The following NSD1 variants were observed in gnomAD, a reference collection of about 807,000 sequenced individuals.
NSD1 encodes the protein nuclear receptor binding SET domain protein 1.
NSD1 carries 26 observed loss-of-function variants against 242.7 expected under a neutral mutation model. The observed-to-expected ratio is 0.11, with a 90% CI of 0.08 to 0.15. The LOEUF (loss-of-function observed/expected upper bound fraction) is 0.15. Among genes scored for constraint, NSD1 ranks in the 10% least tolerant of loss-of-function variants. The pLI, the probability that NSD1 is intolerant of heterozygous loss-of-function variation, is 1.00. For missense variants in NSD1, 2,495 were observed against 3,272.8 expected, an observed-to-expected ratio of 0.76 and a Z score of 5.80; for synonymous variants, 1,106 against 1,178.1, an observed-to-expected ratio of 0.94 and a Z score of 1.25.
intron 2 of NSD1, among the ~76,000 whole-genome samples, chr5:177,178,537 T>C (rs575855572): frequency 1.3e-5 from 2 of 152,272 alleles, no homozygotes; most frequent in Admixed American, 1.3e-4. Flanking sequence ...TTAATAGACA[T>C]GTTTTAAATT....
intron 14 of NSD1, among the ~76,000 whole-genome samples, chr5:177,263,735 G>T (rs1468331779): frequency 6.6e-6 from 1 of 152,176 alleles, no homozygotes; most frequent in African/African-American, 2.4e-5. Flanking sequence ...GTTTTTAATT[G>T]TAAGAGTTAC....
chr5:177,151,996 G>T (rs970054672), intron 2 of NSD1, among the ~76,000 whole-genome samples: 3 of 151,996 alleles, frequency 2.0e-5, no homozygotes, highest in African/African-American at 7.2e-5. Flanking sequence ...GAGTAACTGG[G>T]ACCACAGGTG....
chr5:177,267,421 C>T, intron 14 of NSD1, 141 bp from the exon 15 acceptor site: 1 of 745,786 alleles, frequency 1.3e-6, no homozygotes, highest in Non-Finnish European at 2.3e-6. Flanking sequence ...ATACTCTGGT[C>T]ATTATGTGTC....
chr5:177,192,233 G>A (rs1237319171), intron 3 of NSD1, among the ~76,000 whole-genome samples: 4 of 151,196 alleles, frequency 2.6e-5, no homozygotes, highest in South Asian at 2.1e-4. Context: ...TTTTTGAGAC[G>A]GAGTCTCGCT....
chr5:177,149,998 G>C (rs1215146969), intron 2 of NSD1, among the ~76,000 whole-genome samples: 1 of 151,986 alleles, frequency 6.6e-6, no homozygotes, highest in Non-Finnish European at 1.5e-5. Context: ...GTGCAATTGC[G>C]TGATCTTGGC....
At chr5:177,177,512 A>C (rs984606062) in intron 2 of NSD1, among the ~76,000 whole-genome samples, 2 of 151,984 alleles carry the variant, frequency 1.3e-5, no homozygotes, top group Non-Finnish European at 2.9e-5. Flanking sequence ...TCTTTCTCCC[A>C]AAAACAACAA....
intron 2 of NSD1, chr5:177,137,461 T>G (rs887576217): frequency 6.6e-6 from 1 of 152,224 alleles, no homozygotes; most frequent in Non-Finnish European, 1.5e-5. Context: ...CACTTTTGTT[T>G]CTGTTGATTT....
chr5:177,154,784 C>T (rs899977733), intron 2 of NSD1, among the ~76,000 whole-genome samples: 4 of 152,148 alleles, frequency 2.6e-5, no homozygotes, highest in Admixed American at 6.6e-5. Context: ...CAACCTCCAG[C>T]TCCTGGGTTC....
chr5:177,206,972 T>A (rs1762921110), intron 4 of NSD1, among the ~76,000 whole-genome samples: 1 of 152,116 alleles, frequency 6.6e-6, no homozygotes. Context: ...AGTCTCACTC[T>A]GTCGCCCCAG....
At chr5:177,241,779 C>T (rs887757396) in intron 8 of NSD1, among the ~76,000 whole-genome samples, 7 of 152,094 alleles carry the variant, frequency 4.6e-5, no homozygotes, top group African/African-American at 1.7e-4. Context: ...TTGTTGAAGT[C>T]CTGGTTACTC....
intron 2 of NSD1, among the ~76,000 whole-genome samples, chr5:177,179,226 T>G (rs967994604): frequency 6.6e-6 from 1 of 152,160 alleles, no homozygotes; most frequent in African/African-American, 2.4e-5. Context: ...TTTGTTTTGT[T>G]TTTTTTGAGA....
rs961230986 is a variant in NSD1 at position 177,298,308 on chromosome 5, G to A, written c.*2849G>A. 9 of 233,196 alleles carry A rather than the reference G, an allele frequency of 3.9e-5. No homozygotes were observed. The highest frequency in any genetic ancestry group is 1.8e-4 in the East Asian group (3 of 16,604). The allele number at this position is 233,196 out of a possible 1,614,324, so 14.4% of individuals were successfully genotyped here. ...GTGCTTGGAAATTGAGATCTCAAGAGTGTTTGCCTTGGAGCCAGCTCCCCA... is the reference window on the plus strand; with the variant it reads ...GTGCTTGGAAATTGAGATCTCAAGAATGTTTGCCTTGGAGCCAGCTCCCCA... On this transcript the variant is annotated 3_prime_UTR_variant, in exon 23 of 23. Transcript: ENST00000439151.
At chr5:177,182,247 G>A (rs980109825) in intron 2 of NSD1, among the ~76,000 whole-genome samples, 4 of 152,130 alleles carry the variant, frequency 2.6e-5, no homozygotes, top group African/African-American at 9.7e-5. Flanking sequence ...AACCCAGGAG[G>A]CAGAGGCTAC....
At chr5:177,288,644 A>G in intron 20 of NSD1, 175 bp from the exon 21 acceptor site, 2 of 574,774 alleles carry the variant, frequency 3.5e-6, no homozygotes, top group Non-Finnish European at 6.1e-6. Flanking sequence ...TCTCTGTTAA[A>G]TTGTATTACC....
chr5:177,212,870 C>T (rs1199575986), intron 5 of NSD1, among the ~76,000 whole-genome samples: 1 of 151,954 alleles, frequency 6.6e-6, no homozygotes, highest in Non-Finnish European at 1.5e-5. Flanking sequence ...TTGAACTGAA[C>T]TCAAGTGATC....
intron 13 of NSD1, among the ~76,000 whole-genome samples, chr5:177,257,967 CT>C (rs1211846231): frequency 1.5e-5 from 2 of 136,788 alleles, no homozygotes; most frequent in Admixed American, 7.8e-5. Context: ...CGTGGCCCCC[CT>C]GGGCCTTTTT....
chr5:177,224,605 T>C (rs537095944), intron 5 of NSD1, among the ~76,000 whole-genome samples: 1 of 151,576 alleles, frequency 6.6e-6, no homozygotes, highest in Admixed American at 6.6e-5. Flanking sequence ...AATAGTATTT[T>C]TTTATGAATT....
intron 7 of NSD1, among the ~76,000 whole-genome samples, chr5:177,239,163 C>T (rs1765665155): frequency 6.6e-6 from 1 of 152,152 alleles, no homozygotes; most frequent in African/African-American, 2.4e-5. Context: ...ACATTATCAA[C>T]AGTAGCTTTT....
chr5:177,292,600 A>C (rs1431302737), intron 22 of NSD1, among the ~76,000 whole-genome samples: 1 of 152,208 alleles, frequency 6.6e-6, no homozygotes, highest in Non-Finnish European at 1.5e-5. Context: ...AGGTGGTTCT[A>C]GTCAGTGAGA....
Sources: allele counts gnomAD v4.1 joint callset (sites outside exome capture counted in the v4.1 genomes callset), GRCh38; gene constraint gnomAD v4.1.1; transcripts MANE v1.5; gene names NCBI Gene and HGNC (gene_info 2026-07-23, HGNC 2026-07-21).